Variants in TRIM62 observed in about 807,000 individuals in gnomAD.
TRIM62 encodes E3 ubiquitin-protein ligase TRIM62.
TRIM62 carries 39 observed loss-of-function variants against 44.2 expected under a neutral mutation model. The observed-to-expected ratio is 0.88, with a 90% CI of 0.68 to 1.15. The LOEUF is 1.15. TRIM62 is among the 50% of genes most tolerant of loss of function. The pLI, the probability that TRIM62 is intolerant of heterozygous loss-of-function variation, is 0.00. For missense variants in TRIM62, 544 were observed against 665.5 expected, an observed-to-expected ratio of 0.82 and a Z score of 2.01; for synonymous variants, 278 against 292.3, an observed-to-expected ratio of 0.95 and a Z score of 0.50.
rs1034287352 is a variant in TRIM62, at chr1:33,159,676, G to C, written c.761+12C>G. On this transcript the variant is annotated intron_variant, in intron 3 of 4. Transcript: ENST00000291416. This position sits in a 1 kb window ranked among gnomAD's most constrained non-coding sequence, Gnocchi z 4.2. ...TGGTCAGCCGGGGAGGGCCCCGGCG[G>C]GTGGCACTTACCGCTCGGACAGTGA... 3.1e-6 allele frequency: 5 copies of C among 1,600,492 alleles called. No homozygotes were observed. Among genetic ancestry groups the C allele is most frequent in the East Asian group, 2.2e-5 (1 of 44,672 alleles).
rs1645260211 is a variant in TRIM62, at chr1:33,161,143, T to G, written c.505-1199A>C. ...GTGAAGATGAAATGAGGGGGTGTTG[T>G]TGTGCGCACTCCAAGGCGCAGAGAA... is the stretch of plus-strand genomic sequence containing the variant. On this transcript the variant is annotated intron_variant, in intron 2 of 4. Coordinates refer to ENST00000291416, the MANE Select transcript of TRIM62 (RefSeq NM_018207.3). The surrounding 1 kb of genome is among the most constrained non-coding windows in gnomAD (Gnocchi z 4.3). 6.6e-6 allele frequency among the ~76,000 whole-genome samples: 1 copy of G among 152,226 alleles called. No individual in the cohort carries two copies. The highest frequency in any genetic ancestry group is 6.5e-5 in the Admixed American group (1 of 15,286).
At chr1:33,152,930 C>A (rs1196910877) in intron 4 of TRIM62, among the ~76,000 whole-genome samples, 1 of 151,794 alleles carries the variant, frequency 6.6e-6, no homozygotes, top group Admixed American at 6.6e-5. Context: ...GGCTGCCTGG[C>A]CTGGCTGAGG....
In TRIM62 at chr1:33,145,925, A is replaced by G. The variant is rs1292459900; in HGVS notation, c.*1252T>C. 1 of 471,024 alleles carries G rather than the reference A, an allele frequency of 2.1e-6. No homozygotes were observed. The highest frequency in any genetic ancestry group is 4.4e-6 in the Non-Finnish European group (1 of 227,026). 29.2% of individuals were successfully genotyped at this position (471,024 alleles called of 1,614,324 possible). The stretch of plus-strand genomic sequence containing the variant: ...TCTGGATCTGACTTAAGTTCCCCCA[A>G]ACAGAATCTCTTGTAAAAATTTAGA... On this transcript the variant is annotated 3_prime_UTR_variant, in exon 5 of 5. Coordinates refer to ENST00000291416, the MANE Select transcript of TRIM62 (RefSeq NM_018207.3).
chr1:33,161,080 T>C lies in TRIM62; in HGVS notation c.505-1136A>G, dbSNP rs144982646. Among the ~76,000 whole-genome samples the C allele has an allele frequency of 3.2e-4, 48 of 152,358 alleles. No homozygotes were observed. The East Asian group carries it at 8.5e-3, about 27-fold the overall frequency. ...AGCTGTGAACCTTAGTTTTCTTATC[T>C]GTGAAAGGAGTAACAAAAACTGCAT... On this transcript the variant is annotated intron_variant, in intron 2 of 4. Coordinates refer to ENST00000291416, the MANE Select transcript of TRIM62 (RefSeq NM_018207.3). The surrounding 1 kb of genome is among the most constrained non-coding windows in gnomAD (Gnocchi z 4.3).
intron 1 of TRIM62, among the ~76,000 whole-genome samples, chr1:33,174,966 TATACAC>T (rs1645404438): frequency 1.0e-5 from 1 of 95,330 alleles, no homozygotes. Flanking sequence ...TATATATATA[TATACAC>T]ACATATACAT....
At chr1:33,166,370 A>G (rs1645327873) in intron 1 of TRIM62, 1 of 150,890 alleles carries the variant, frequency 6.6e-6, no homozygotes, top group Admixed American at 6.6e-5. Context: ...ATTGTCTTCC[A>G]TGAAGCTGGT....
At chr1:33,149,024 C>T (rs1485884508) in intron 4 of TRIM62, among the ~76,000 whole-genome samples, 1 of 152,196 alleles carries the variant, frequency 6.6e-6, no homozygotes, top group African/African-American at 2.4e-5. Context: ...GTTCCCTCCA[C>T]CTCCTCCTCT....
Position 33,165,759 on chromosome 1 carries a change from T to C in TRIM62, c.409-193A>G. ...TAAACACCTCCAGAACCCGTCCGTA[T>C]CTTTCACCTGCATCTTTGCAACAAC... On this transcript the variant is annotated intron_variant, in intron 1 of 4. Coordinates refer to ENST00000291416, the MANE Select transcript of TRIM62 (RefSeq NM_018207.3). This position sits in a 1 kb window ranked among gnomAD's most constrained non-coding sequence, Gnocchi z 4.0. The C allele has an allele frequency of 2.4e-6, 1 of 423,928 alleles. No individual in the cohort carries two copies. The highest frequency in any genetic ancestry group is 4.2e-6 in the Non-Finnish European group (1 of 239,400). The allele number at this position is 423,928 out of a possible 1,614,324, so 26.3% of individuals were successfully genotyped here.
In TRIM62 at chr1:33,181,319, G is replaced by A. The variant is rs1473464514; in HGVS notation, c.114C>T (p.His38=). 9 of 1,569,808 alleles carry A rather than the reference G, an allele frequency of 5.7e-6. No individual in the cohort carries two copies. The Admixed American group carries it at 9.4e-5, about 16-fold the overall frequency. The change falls in exon 1 of 5, where the codon CAC becomes CAT. Residue 38 remains histidine, a synonymous_variant. Transcript: ENST00000291416. The surrounding 1 kb of genome is among the most constrained non-coding windows in gnomAD (Gnocchi z 6.5). ...CGCCCTGCGCCTCCTGCCGCACCCAGTGCTCCGTGATGCAGCGGCGGCAGA... is the reference window on the plus strand; with the variant it reads ...CGCCCTGCGCCTCCTGCCGCACCCAATGCTCCGTGATGCAGCGGCGGCAGA... The part of the protein sequence containing the change: ...HYFCRRCITE[H]WVRQEAQGAR...
In TRIM62 at chr1:33,160,030, AC is replaced by A. The variant is rs770263771; in HGVS notation, c.505-87del. ...AGAGGAGGAAATCGAGAGCCTTGACACACAGAGAGGAAAGGGTGGGAAAGGG... is the reference window on the plus strand; with the variant it reads ...AGAGGAGGAAATCGAGAGCCTTGACAACAGAGAGGAAAGGGTGGGAAAGGG... On this transcript the variant is annotated intron_variant, in intron 2 of 4. Coordinates refer to ENST00000291416, the MANE Select transcript of TRIM62 (RefSeq NM_018207.3). 275 of 1,536,642 alleles carry A rather than the reference AC, an allele frequency of 1.8e-4. 1 individual carries two copies. Among genetic ancestry groups the A allele is most frequent in the Non-Finnish European group, 2.2e-4 (252 of 1,140,910 alleles).
At chr1:33,157,380 G>A (rs116630382) in intron 4 of TRIM62, among the ~76,000 whole-genome samples, 16 of 152,164 alleles carry the variant, frequency 1.1e-4, no homozygotes, top group South Asian at 2.1e-4. Flanking sequence ...AGATACCTAC[G>A]TGGCTCACTC....
chr1:33,181,598 C>A lies in TRIM62; in HGVS notation c.-166G>T. The A allele has an allele frequency of 2.3e-6, 3 of 1,285,658 alleles. No individual in the cohort carries two copies. The highest frequency in any genetic ancestry group is 3.1e-6 in the Non-Finnish European group (3 of 979,412). 79.6% of individuals were successfully genotyped at this position (1,285,658 alleles called of 1,614,324 possible). ...GGGGTGCTGTCCGGAAGGAGGGTAA[C>A]GCGAGGAAGGGGTGCGCGGCTGAGA... On this transcript the variant is annotated 5_prime_UTR_variant, in exon 1 of 5. Coordinates refer to ENST00000291416, the MANE Select transcript of TRIM62 (RefSeq NM_018207.3). The surrounding 1 kb of genome is among the most constrained non-coding windows in gnomAD (Gnocchi z 6.5).
intron 1 of TRIM62, among the ~76,000 whole-genome samples, chr1:33,171,622 A>C (rs1012881930): frequency 2.6e-5 from 4 of 152,164 alleles, no homozygotes; most frequent in African/African-American, 7.2e-5. Flanking sequence ...AAAAATTTGC[A>C]GTTAGTCGAG....
At chr1:33,148,918 C>T (rs958611650) in intron 4 of TRIM62, among the ~76,000 whole-genome samples, 2 of 152,174 alleles carry the variant, frequency 1.3e-5, no homozygotes, top group Non-Finnish European at 2.9e-5. Flanking sequence ...CCAGGACTAA[C>T]CAAGGTCGTC....
Position 33,159,647 on chromosome 1 carries a change from G to C in TRIM62, c.761+41C>G. ...CCACTGCCCAGCATGGGTCGAGGAG[G>C]GGATGGTCAGCCGGGGAGGGCCCCG... On this transcript the variant is annotated intron_variant, in intron 3 of 4. Coordinates refer to ENST00000291416, the MANE Select transcript of TRIM62 (RefSeq NM_018207.3). This position sits in a 1 kb window ranked among gnomAD's most constrained non-coding sequence, Gnocchi z 4.2. 1 of 1,580,300 alleles carries C rather than the reference G, an allele frequency of 6.3e-7. No individual in the cohort carries two copies. Among genetic ancestry groups the C allele is most frequent in the Non-Finnish European group, 8.6e-7 (1 of 1,164,068 alleles).
intron 4 of TRIM62, among the ~76,000 whole-genome samples, chr1:33,149,696 C>T (rs1645070571): frequency 6.6e-6 from 1 of 152,190 alleles, no homozygotes. Flanking sequence ...CTCAAGTGAT[C>T]CTGCTGCCTC....
chr1:33,150,550 A>G (rs1164680001), intron 4 of TRIM62, among the ~76,000 whole-genome samples: 1 of 152,234 alleles, frequency 6.6e-6, no homozygotes, highest in African/African-American at 2.4e-5. Flanking sequence ...TTGTGAATAG[A>G]GGGGTCAATG....
At chr1:33,166,940 A>G (rs968542496) in intron 1 of TRIM62, among the ~76,000 whole-genome samples, 2 of 152,076 alleles carry the variant, frequency 1.3e-5, no homozygotes, top group South Asian at 2.1e-4. Context: ...AATACTATTC[A>G]TCTTGATTGC....
chr1:33,154,485 T>C (rs1645145824), intron 4 of TRIM62, among the ~76,000 whole-genome samples: 1 of 151,348 alleles, frequency 6.6e-6, no homozygotes, highest in Non-Finnish European at 1.5e-5. Context: ...CTTTAGATCT[T>C]TTTTTTTTCT....
Sources: allele counts gnomAD v4.1 joint callset (sites outside exome capture counted in the v4.1 genomes callset), GRCh38; gene constraint gnomAD v4.1.1; non-coding constraint Gnocchi (gnomAD v3.1); transcripts MANE v1.5; gene names NCBI Gene and HGNC (gene_info 2026-07-23, HGNC 2026-07-21).